The following RNF130 variants were observed in gnomAD, a reference collection of about 807,000 sequenced individuals.
RNF130 encodes E3 ubiquitin-protein ligase RNF130.
Under a neutral mutation model 44.6 loss-of-function variants are expected in RNF130, and 21 were observed. That is an observed-to-expected ratio of 0.47 (90% confidence interval 0.33 to 0.68). RNF130 has a LOEUF of 0.68. Ranked by LOEUF, RNF130 falls within the 30% of genes least tolerant of loss-of-function variation. The pLI is 0.02. For synonymous variants in RNF130, 214 were observed against 210.4 expected (o/e 1.02, Z -0.15); for missense variants, 479 against 560.6 (o/e 0.85, Z 1.47).
intron 1 of RNF130, among the ~76,000 whole-genome samples, chr5:180,042,646 C>T (rs77430120): frequency 0.017 from 2,550 of 152,260 alleles, 77 homozygotes; most frequent in African/African-American, 0.059. Flanking sequence ...TGTATCCAAA[C>T]GGGGAATAAC....
intron 1 of RNF130, among the ~76,000 whole-genome samples, chr5:180,058,230 C>T: frequency 6.6e-6 from 1 of 152,172 alleles, no homozygotes. Flanking sequence ...CCACTAGGTT[C>T]ATGGCTACAT....
downstream of RNF130, among the ~76,000 whole-genome samples, chr5:179,954,099 T>A (rs936201565): frequency 6.6e-6 from 1 of 152,226 alleles, no homozygotes; most frequent in African/African-American, 2.4e-5. Flanking sequence ...CAGTCACTGG[T>A]GTTATGGAGG....
chr5:180,056,623 AAAG>A (rs1331190445), intron 1 of RNF130, among the ~76,000 whole-genome samples: 2 of 152,240 alleles, frequency 1.3e-5, no homozygotes, highest in East Asian at 3.8e-4. Flanking sequence ...GTTGGGCTTG[AAAG>A]AAGACTCAGA....
chr5:180,020,288 CG>C (rs1763842017), intron 2 of RNF130, among the ~76,000 whole-genome samples: 1 of 152,086 alleles, frequency 6.6e-6, no homozygotes, highest in South Asian at 2.1e-4. Flanking sequence ...CGCTGATGAA[CG>C]GGGAGCAGTG....
chr5:180,035,018 T>C (rs551836381), intron 2 of RNF130, among the ~76,000 whole-genome samples: 3 of 152,348 alleles, frequency 2.0e-5, no homozygotes, highest in East Asian at 1.9e-4. Flanking sequence ...TTGGGTTTCG[T>C]TGACTTTCTC....
At chr5:180,047,399 C>A (rs1308746026) in intron 1 of RNF130, among the ~76,000 whole-genome samples, 1 of 152,160 alleles carries the variant, frequency 6.6e-6, no homozygotes, top group Admixed American at 6.5e-5. Context: ...TCACTTAAAC[C>A]TAACATTTCT....
chr5:179,934,399 T>C (rs1761857721), intron 7 of RNF130, among the ~76,000 whole-genome samples: 1 of 152,208 alleles, frequency 6.6e-6, no homozygotes, highest in African/African-American at 2.4e-5. Flanking sequence ...TTATTTTTAA[T>C]GTCTGTAGGC....
chr5:180,022,936 T>C (rs1055401255), intron 2 of RNF130, among the ~76,000 whole-genome samples: 1 of 152,158 alleles, frequency 6.6e-6, no homozygotes, highest in Non-Finnish European at 1.5e-5. Flanking sequence ...GAGATTCAGG[T>C]TGGGAGGAAA....
At chr5:180,001,345 G>A (rs764752961) in intron 3 of RNF130, among the ~76,000 whole-genome samples, 2 of 152,150 alleles carry the variant, frequency 1.3e-5, no homozygotes, top group African/African-American at 4.8e-5. Flanking sequence ...AGGAGCAGGT[G>A]CTCAGAATGA....
chr5:180,058,122 A>G (rs1304650501), intron 1 of RNF130, among the ~76,000 whole-genome samples: 1 of 152,172 alleles, frequency 6.6e-6, no homozygotes, highest in Admixed American at 6.5e-5. Context: ...TACGGTGTCA[A>G]AGCGAGGACA....
chr5:179,930,147 C>T (rs1333446383), intron 7 of RNF130, among the ~76,000 whole-genome samples: 2 of 151,978 alleles, frequency 1.3e-5, no homozygotes, highest in Admixed American at 6.6e-5. Flanking sequence ...GACCTCTGCC[C>T]CCCGGGTTCA....
rs150873166 is a variant in RNF130 at position 180,045,304 on chromosome 5, G to A, written c.248-4657C>T. ...GGGTTCTTGGTCTTGCTGACTTCAA[G>A]AAGGAAGCCGCGGACCCTCACGGTG... is the stretch of plus-strand genomic sequence containing the variant. On this transcript the variant is annotated intron_variant, in intron 1 of 8. Transcript: ENST00000521389. Among the ~76,000 whole-genome samples, 589 of 152,306 alleles carry A rather than the reference G, an allele frequency of 3.9e-3. 4 individuals are homozygous for A. The highest frequency in any genetic ancestry group is 0.014 in the African/African-American group (566 of 41,564).
At chr5:179,952,957 T>C (rs1419554312), downstream of RNF130, among the ~76,000 whole-genome samples, 1 of 152,130 alleles carries the variant, frequency 6.6e-6, no homozygotes, top group Non-Finnish European at 1.5e-5. Flanking sequence ...GTTTGCACCA[T>C]TTCTATTCAA....
chr5:180,046,744 G>A (rs894333757), intron 1 of RNF130, among the ~76,000 whole-genome samples: 1 of 152,074 alleles, frequency 6.6e-6, no homozygotes, highest in Admixed American at 6.5e-5. Flanking sequence ...TCTCCAGAAC[G>A]CTTTCCCAGC....
At chr5:179,994,603 T>C (rs1170269120) in intron 3 of RNF130, among the ~76,000 whole-genome samples, 2 of 152,210 alleles carry the variant, frequency 1.3e-5, no homozygotes, top group African/African-American at 2.4e-5. Flanking sequence ...TCCTTGGATA[T>C]AAACAGCCTT....
chr5:180,012,125 G>C (rs956007061), intron 3 of RNF130, among the ~76,000 whole-genome samples: 1 of 152,168 alleles, frequency 6.6e-6, no homozygotes, highest in Non-Finnish European at 1.5e-5. Flanking sequence ...CTGTCCAACA[G>C]GGTGAGGGGT....
At chr5:180,002,099 C>A (rs538472176) in intron 3 of RNF130, among the ~76,000 whole-genome samples, 4 of 152,346 alleles carry the variant, frequency 2.6e-5, no homozygotes, top group African/African-American at 9.6e-5. Context: ...GGAGCTGCTT[C>A]AGCTTAGGTA....
intron 2 of RNF130, among the ~76,000 whole-genome samples, chr5:180,029,932 T>C (rs1269390044): frequency 6.6e-6 from 1 of 151,116 alleles, no homozygotes; most frequent in Non-Finnish European, 1.5e-5. Flanking sequence ...CACTGAAACC[T>C]CTGCCTCCTG....
intron 2 of RNF130, among the ~76,000 whole-genome samples, chr5:180,035,706 T>C (rs1292478290): frequency 1.3e-5 from 2 of 152,234 alleles, no homozygotes; most frequent in Non-Finnish European, 2.9e-5. Flanking sequence ...TGTCTGACAG[T>C]GTCCCACAGG....
Sources: allele counts gnomAD v4.1 joint callset (sites outside exome capture counted in the v4.1 genomes callset), GRCh38; gene constraint gnomAD v4.1.1; transcripts MANE v1.5; gene names NCBI Gene and HGNC (gene_info 2026-07-23, HGNC 2026-07-21).